Variants in CSMD1 observed in about 807,000 individuals in gnomAD.
The protein encoded by CSMD1 is CUB and Sushi multiple domains 1.
A neutral mutation model predicts 417.5 loss-of-function variants in CSMD1; 213 were observed. That is an observed-to-expected ratio of 0.51 (90% CI 0.46 to 0.57). The LOEUF is 0.57. Among genes scored for constraint, CSMD1 ranks in the 20% least tolerant of loss-of-function variants. The pLI is 0.00. For synonymous variants in CSMD1, 2,862 were observed against 1,736.8 expected, an observed-to-expected ratio of 1.65 and a Z score of -16.11; for missense variants, 6,923 against 4,529.7, an observed-to-expected ratio of 1.53 and a Z score of -15.17.
At chr8:4,876,157 G>T (rs1803028582) in intron 1 of CSMD1, among the ~76,000 whole-genome samples, 1 of 152,042 alleles carries the variant, frequency 6.6e-6, no homozygotes, top group Admixed American at 6.6e-5. Flanking sequence ...TGACTGCTTA[G>T]TCTATTTCCC....
intron 1 of CSMD1, among the ~76,000 whole-genome samples, chr8:4,854,556 G>A (rs563283946): frequency 1.8e-4 from 27 of 152,290 alleles, no homozygotes; most frequent in East Asian, 9.7e-4. Flanking sequence ...GTGGGTGCGC[G>A]CACCGTGCGT....
At chr8:3,580,404 G>A (rs2116969221) in intron 9 of CSMD1, among the ~76,000 whole-genome samples, 1 of 152,228 alleles carries the variant, frequency 6.6e-6, no homozygotes, top group African/African-American at 2.4e-5. Flanking sequence ...CTGGGGGGAG[G>A]CGGATACTCC....
intron 52 of CSMD1, among the ~76,000 whole-genome samples, chr8:3,008,319 G>A (rs1181854236): frequency 6.6e-6 from 1 of 152,134 alleles, no homozygotes; most frequent in Non-Finnish European, 1.5e-5. Context: ...GGTTCATTAG[G>A]GACACACACA....
chr8:4,363,042 G>A (rs74626406), intron 3 of CSMD1, among the ~76,000 whole-genome samples: 3,023 of 152,200 alleles, frequency 0.02, 45 homozygotes, highest in Non-Finnish European at 0.024. Flanking sequence ...CTGCTACTAC[G>A]GAAGGGAGAA....
chr8:3,747,328 T>C (rs1176135553), intron 6 of CSMD1, among the ~76,000 whole-genome samples: 1 of 152,180 alleles, frequency 6.6e-6, no homozygotes, highest in Non-Finnish European at 1.5e-5. Flanking sequence ...GCAAGCAAAT[T>C]CTAAACAATC....
At chr8:2,966,426 G>T in intron 58 of CSMD1, 144 bp downstream of exon 58, 1 of 731,086 alleles carries the variant, frequency 1.4e-6, no homozygotes, top group Non-Finnish European at 2.1e-6. Context: ...AAGAAATACA[G>T]CCACAATGTC....
At position 3,569,408 on chromosome 8, in the gene CSMD1, A is replaced by T. The variant is rs62475840; in HGVS notation, c.1344+5537T>A. 4.1e-3 allele frequency among the ~76,000 whole-genome samples: 624 copies of T among 152,312 alleles called. 1 individual carries two copies. Among genetic ancestry groups the T allele is most frequent in the Non-Finnish European group, 6.8e-3 (466 of 68,034 alleles). On this transcript the variant is annotated intron_variant, in intron 10 of 69. Transcript: ENST00000635120. ...GTTATACAACAGTCAAAGCCGAGAT[A>T]AGACTAGGAAAGAGTATGAATCAAG...
chr8:3,911,324 G>T (rs1319756277), intron 5 of CSMD1, among the ~76,000 whole-genome samples: 3 of 150,874 alleles, frequency 2.0e-5, no homozygotes, highest in Non-Finnish European at 4.4e-5. Context: ...TTATTGAAAG[G>T]CTATATATCC....
chr8:3,750,121 G>C (rs1214862232), intron 6 of CSMD1, among the ~76,000 whole-genome samples: 1 of 152,068 alleles, frequency 6.6e-6, no homozygotes, highest in Non-Finnish European at 1.5e-5. Context: ...ATATGAGGAA[G>C]GCTAGGAACC....
chr8:3,335,108 G>T (rs1026207894), intron 23 of CSMD1, among the ~76,000 whole-genome samples: 3 of 152,136 alleles, frequency 2.0e-5, no homozygotes, highest in African/African-American at 7.2e-5. Context: ...CAGGACCCTG[G>T]AGGTGCCTGC....
At position 3,289,090 on chromosome 8, in the gene CSMD1, C is replaced by G. The variant is rs1165435706; in HGVS notation, c.3951-4744G>C. The stretch of plus-strand genomic sequence containing the variant: ...GAACATGCGGTATTTAGTTTTTTGT[C>G]CTTGAGATAGTTTGCTGAGAATGAT... On this transcript the variant is annotated intron_variant, in intron 25 of 69. Coordinates refer to ENST00000635120, the MANE Select transcript of CSMD1 (RefSeq NM_033225.6). Among the ~76,000 whole-genome samples, 3 of 146,990 alleles carry G rather than the reference C, an allele frequency of 2.0e-5. 1 individual carries two copies. Among genetic ancestry groups the G allele is most frequent in the African/African-American group, 5.4e-5 (2 of 36,882 alleles).
rs888744007 is a variant in CSMD1 at position 3,783,689 on chromosome 8, C to T, written c.819-29647G>A. Among the ~76,000 whole-genome samples, 8 of 152,322 alleles carry T rather than the reference C, an allele frequency of 5.3e-5. No homozygotes were observed. The East Asian group carries it at 9.6e-4, about 18-fold the overall frequency. ...CCCTGCTGCTGGTTCAGCAGTCAAA[C>T]GGAGGCTCCCCTCCCCTTTGCTCCT... On this transcript the variant is annotated intron_variant, in intron 5 of 69. Coordinates refer to ENST00000635120, the MANE Select transcript of CSMD1 (RefSeq NM_033225.6).
chr8:3,266,685 G>T (rs1045664744), intron 26 of CSMD1, among the ~76,000 whole-genome samples: 1 of 148,328 alleles, frequency 6.7e-6, no homozygotes, highest in Non-Finnish European at 1.5e-5. Context: ...TAAGGCAGGA[G>T]AACCGCTTGA....
intron 3 of CSMD1, among the ~76,000 whole-genome samples, chr8:4,184,014 A>C (rs550808560): frequency 1.3e-5 from 2 of 152,318 alleles, no homozygotes; most frequent in South Asian, 4.1e-4. Context: ...ACAAGGGTAC[A>C]GTTAATGTTT....
chr8:3,480,493 G>T (rs551538068), intron 11 of CSMD1, among the ~76,000 whole-genome samples: 1 of 152,042 alleles, frequency 6.6e-6, no homozygotes, highest in African/African-American at 2.4e-5. Context: ...AAAAGGAGAC[G>T]AGCTAGATGA....
intron 5 of CSMD1, among the ~76,000 whole-genome samples, chr8:3,875,674 G>A (rs1805766772): frequency 6.6e-6 from 1 of 152,198 alleles, no homozygotes; most frequent in Non-Finnish European, 1.5e-5. Context: ...TTCCAGGAGA[G>A]CAGCTCTGGC....
chr8:3,295,503 C>G (rs1251210715), intron 25 of CSMD1, among the ~76,000 whole-genome samples: 1 of 152,122 alleles, frequency 6.6e-6, no homozygotes, highest in Non-Finnish European at 1.5e-5. Context: ...TACTTTAAAA[C>G]TGTAAGTGTT....
At chr8:3,248,296 C>G (rs577371091) in intron 26 of CSMD1, among the ~76,000 whole-genome samples, 1 of 120,032 alleles carries the variant, frequency 8.3e-6, no homozygotes, top group East Asian at 2.2e-4. Flanking sequence ...CAGGACAGTA[C>G]TGGCTTGCAC....
intron 3 of CSMD1, among the ~76,000 whole-genome samples, chr8:4,048,709 G>A (rs774461919): frequency 6.6e-6 from 1 of 152,154 alleles, no homozygotes; most frequent in African/African-American, 2.4e-5. Context: ...ACATTTGGGT[G>A]CATTTATTAA....
Sources: allele counts gnomAD v4.1 joint callset (sites outside exome capture counted in the v4.1 genomes callset), GRCh38; gene constraint gnomAD v4.1.1; transcripts MANE v1.5; gene names NCBI Gene and HGNC (gene_info 2026-07-23, HGNC 2026-07-21).